PCDHB12: variants seen among roughly 807,000 people sequenced by gnomAD.
The protein encoded by PCDHB12 is protocadherin beta 12.
For synonymous variants in PCDHB12, 560 were observed against 445.2 expected (o/e 1.26, Z -3.24); for missense variants, 1,192 against 998.2 (o/e 1.19, Z -2.62).
Position 141,208,827 on chromosome 5 carries a change from A to T in PCDHB12, c.-81A>T. The T allele has an allele frequency of 1.6e-6, 2 of 1,277,252 alleles. No homozygotes were observed. Among genetic ancestry groups the T allele is most frequent in the Non-Finnish European group, 2.2e-6 (2 of 924,048 alleles). The allele number at this position is 1,277,252 out of a possible 1,614,324, so 79.1% of individuals were successfully genotyped here. ...AGGCTTCCGAGGATTTGGTAGACAGATCAGAGGCACGTTTCCCACAACTGC... is the reference window on the plus strand; with the variant it reads ...AGGCTTCCGAGGATTTGGTAGACAGTTCAGAGGCACGTTTCCCACAACTGC... On this transcript the variant is annotated 5_prime_UTR_variant, in exon 1 of 1. Transcript: ENST00000239450.
At position 141,210,149 on chromosome 5, in the gene PCDHB12, A is replaced by G; in HGVS notation, c.1242A>G (p.Arg414=). 6.2e-7 allele frequency: 1 copy of G among 1,614,204 alleles called. No homozygotes were observed. The highest frequency in any genetic ancestry group is 8.5e-7 in the Non-Finnish European group (1 of 1,180,030). ...ETERPLDRES[R]AEYNITITVT... ...AGAGACCGCTGGACAGAGAGAGCAG[A>G]GCCGAGTACAACATCACCATCACCG... is the stretch of plus-strand genomic sequence containing the variant. The change falls in exon 1 of 1, where the codon AGA becomes AGG. Residue 414 remains arginine (R), a synonymous_variant. Coordinates refer to ENST00000239450, the MANE Select transcript of PCDHB12 (RefSeq NM_018932.4).
In PCDHB12 at chr5:141,209,444, C is replaced by T. The variant is rs200859015; in HGVS notation, c.537C>T (p.His179=). 1.2e-6 allele frequency: 2 copies of T among 1,614,170 alleles called. No individual in the cohort carries two copies. Among genetic ancestry groups the T allele is most frequent in the Admixed American group, 1.7e-5 (1 of 60,030 alleles). Residue 179 remains histidine (H), a synonymous_variant, in exon 1 of 1, where the codon CAC becomes CAT. Coordinates refer to ENST00000239450, the MANE Select transcript of PCDHB12 (RefSeq NM_018932.4). ...CAATAAATCCGAACTCTCATTTCCA[C>T]GTTAAAATAAGAGTCAATCCAGACA... ...SYTINPNSHF[H]VKIRVNPDNR...
rs1422000893 is a variant in PCDHB12, at chr5:141,211,412, A to G, written c.*117A>G. 3 of 1,074,552 alleles carry G rather than the reference A, an allele frequency of 2.8e-6. No individual in the cohort carries two copies. The highest frequency in any genetic ancestry group is 4.1e-6 in the Non-Finnish European group (3 of 725,274). The allele number at this position is 1,074,552 out of a possible 1,614,324, so 66.6% of individuals were successfully genotyped here. ...TCAAATACATACTCTTCAAGTCAAG[A>G]AATAAATTTCTTTACATAGAAAAGG... On this transcript the variant is annotated 3_prime_UTR_variant, in exon 1 of 1. Transcript: ENST00000239450.
In PCDHB12 at chr5:141,209,773, G is replaced by C; in HGVS notation, c.866G>C (p.Arg289Pro). The C allele has an allele frequency of 6.2e-7, 1 of 1,614,138 alleles. No individual in the cohort carries two copies. The highest frequency in any genetic ancestry group is 8.5e-7 in the Non-Finnish European group (1 of 1,180,040). The change falls in exon 1 of 1, where the codon CGC becomes CCC. Residue 289 changes from arginine to proline, a missense_variant. Arg to Pro is a moderately radical substitution (Grantham distance 103). Transcript: ENST00000239450. ...YTFSHASEDI[R>P]KTFEINQKSG... ...TTTTCCCATGCCTCAGAAGATATTC[G>C]CAAGACATTTGAAATTAATCAAAAG... is the stretch of plus-strand genomic sequence containing the variant.
rs782694775 is a variant in PCDHB12, at chr5:141,209,532, A to G, written c.625A>G (p.Ser209Gly). The change falls in exon 1 of 1, where the codon AGT (serine) becomes GGT (glycine). Residue 209 changes from serine to glycine, a missense_variant. Physicochemically the swap from Ser to Gly is moderately conservative, Grantham distance 56. Transcript: ENST00000239450. Reference protein sequence around the residue: ...ALDYEERPELSFILTALDGGS... With the variant: ...ALDYEERPELGFILTALDGGS... ...GGATTATGAAGAGCGCCCGGAGCTC[A>G]GTTTCATCCTCACTGCTCTGGATGG... The G allele has an allele frequency of 1.2e-6, 2 of 1,614,214 alleles. No individual in the cohort carries two copies. Among genetic ancestry groups the G allele is most frequent in the Non-Finnish European group, 1.7e-6 (2 of 1,180,054 alleles).
In PCDHB12 at chr5:141,210,533, C is replaced by T; in HGVS notation, c.1626C>T (p.Ser542=). The T allele has an allele frequency of 6.2e-7, 1 of 1,612,040 alleles. No homozygotes were observed. Among genetic ancestry groups the T allele is most frequent in the Non-Finnish European group, 8.5e-7 (1 of 1,179,792 alleles). The stretch of plus-strand genomic sequence containing the variant: ...CAGACCACGGCTCCCCGGCTTTGAG[C>T]AGCGAGGCGCTGGTGCGCGTGCTGG... The part of the protein sequence containing the change: ...GATDHGSPAL[S]SEALVRVLVL... Residue 542 remains serine, a synonymous_variant, in exon 1 of 1, where the codon AGC becomes AGT. Coordinates refer to ENST00000239450, the MANE Select transcript of PCDHB12 (RefSeq NM_018932.4).
In PCDHB12 at chr5:141,209,127, T is replaced by C; in HGVS notation, c.220T>C (p.Cys74Arg). Residue 74 changes from cysteine (C) to arginine (R), a missense_variant, in exon 1 of 1, where the codon TGT becomes CGT. Coordinates refer to ENST00000239450, the MANE Select transcript of PCDHB12 (RefSeq NM_018932.4). ...GGTGGTTTCTAATGATAACAAAGAG[T>C]GTTTGCAGCTGGACACAAACACTGG... ...ARVVSNDNKE[C>R]LQLDTNTGDL... The C allele has an allele frequency of 6.2e-7, 1 of 1,613,848 alleles. No homozygotes were observed. The highest frequency in any genetic ancestry group is 8.5e-7 in the Non-Finnish European group (1 of 1,179,984).
Position 141,211,129 on chromosome 5 carries a change from G to A in PCDHB12, c.2222G>A (p.Gly741Asp), listed in dbSNP as rs1376994550. Residue 741 changes from glycine to aspartate, a missense_variant, in exon 1 of 1, where the codon GGC (glycine) becomes GAC (aspartate). Transcript: ENST00000239450. ...CCAGGACATCTGGTGGACGTGAGTG[G>A]CACCGGGACCCTGTCCCAGAGCTAC... ...PFPGHLVDVS[G>D]TGTLSQSYHY... The A allele has an allele frequency of 5.6e-6, 9 of 1,614,072 alleles. No individual in the cohort carries two copies. Among genetic ancestry groups the A allele is most frequent in the East Asian group, 4.5e-5 (2 of 44,886 alleles).
At position 141,209,594 on chromosome 5, in the gene PCDHB12, G is replaced by T. The variant is rs1754384121; in HGVS notation, c.687G>T (p.Arg229Ser). 1.9e-6 allele frequency: 3 copies of T among 1,614,144 alleles called. No individual in the cohort carries two copies. Among genetic ancestry groups the T allele is most frequent in the Non-Finnish European group, 1.7e-6 (2 of 1,180,036 alleles). The change falls in exon 1 of 1, where the codon AGG becomes AGT. Residue 229 changes from arginine to serine, a missense_variant. Arg to Ser is a moderately radical substitution (Grantham distance 110, BLOSUM62 -1). Coordinates refer to ENST00000239450, the MANE Select transcript of PCDHB12 (RefSeq NM_018932.4). ...CCAGGTCTGGAACTGCCTTGGTCAG[G>T]GTGGTGGTTGTAGATATTAATGACA... ...SPPRSGTALVRVVVVDINDNS... is the reference protein window; with the variant it reads ...SPPRSGTALVSVVVVDINDNS...
At position 141,211,359 on chromosome 5, in the gene PCDHB12, T is replaced by C; in HGVS notation, c.*64T>C. On this transcript the variant is annotated 3_prime_UTR_variant, in exon 1 of 1. Transcript: ENST00000239450. ...TTATAATTAGGAACTTATCGTGAGG[T>C]GCCTGTAAAGTAGTATTTTTGATCA... is the stretch of plus-strand genomic sequence containing the variant. 6.8e-7 allele frequency: 1 copy of C among 1,465,714 alleles called. No individual in the cohort carries two copies. The highest frequency in any genetic ancestry group is 1.3e-5 in the South Asian group (1 of 77,248). 90.8% of individuals were successfully genotyped at this position (1,465,714 alleles called of 1,614,324 possible). A position where few individuals can be genotyped will look rare whatever the true frequency, so the allele number is the denominator to read the frequency against.
In PCDHB12 at chr5:141,209,070, G is replaced by A. The variant is rs1209841301; in HGVS notation, c.163G>A (p.Glu55Lys). ...VGNLAKTLGL[E>K]VSELSSRGAR... ...AAATTTGGCAAAGACCCTGGGACTC[G>A]AGGTGAGTGAGCTGTCTTCGCGGGG... The change falls in exon 1 of 1, where the codon GAG (glutamate) becomes AAG (lysine). Residue 55 changes from glutamate (E) to lysine (K), a missense_variant. By Grantham distance (56) the Glu-to-Lys change is moderately conservative. Coordinates refer to ENST00000239450, the MANE Select transcript of PCDHB12 (RefSeq NM_018932.4). 8 of 1,612,666 alleles carry A rather than the reference G, an allele frequency of 5.0e-6. No homozygotes were observed. Among genetic ancestry groups the A allele is most frequent in the Non-Finnish European group, 6.8e-6 (8 of 1,179,082 alleles).
In PCDHB12 at chr5:141,210,202, AAACCGAGCAC is replaced by A. The variant is rs1754407576; in HGVS notation, c.1299_1308del (p.Glu434Ter). On this transcript the variant is annotated frameshift_variant, in exon 1 of 1. Coordinates refer to ENST00000239450, the MANE Select transcript of PCDHB12 (RefSeq NM_018932.4). LOFTEE classifies it low-confidence loss of function (END_TRUNC). ...ACCGACTTGGGGACCCCCAGGCTAA[AAACCGAGCAC>A]AACATAACCGTGCTGGTCTCCGACG... 3.1e-6 allele frequency: 5 copies of A among 1,614,116 alleles called. No individual in the cohort carries two copies. In the East Asian group the frequency reaches 1.1e-4, roughly 36 times the overall value.
In PCDHB12 at chr5:141,208,892, T is replaced by C; in HGVS notation, c.-16T>C. 1 of 1,509,906 alleles carries C rather than the reference T, an allele frequency of 6.6e-7. No individual in the cohort carries two copies. The highest frequency in any genetic ancestry group is 8.8e-7 in the Non-Finnish European group (1 of 1,131,972). The allele number at this position is 1,509,906 out of a possible 1,614,324, so 93.5% of individuals were successfully genotyped here. A position where few individuals can be genotyped will look rare whatever the true frequency, so the allele number is the denominator to read the frequency against. On this transcript the variant is annotated 5_prime_UTR_variant, in exon 1 of 1. Coordinates refer to ENST00000239450, the MANE Select transcript of PCDHB12 (RefSeq NM_018932.4). The stretch of plus-strand genomic sequence containing the variant: ...GCAATTCTGCAAGAAGATTTTGGGG[T>C]TTTGGAAAAGAAGCTATGGAAAACG...
Position 141,210,156 on chromosome 5 carries a change from T to C in PCDHB12, c.1249T>C (p.Tyr417His). Residue 417 changes from tyrosine to histidine, a missense_variant, in exon 1 of 1, where the codon TAC becomes CAC. Physicochemically the swap from Tyr to His is moderately conservative, Grantham distance 83. Transcript: ENST00000239450. ...RPLDRESRAE[Y>H]NITITVTDLG... ...GCTGGACAGAGAGAGCAGAGCCGAG[T>C]ACAACATCACCATCACCGTCACCGA... The C allele has an allele frequency of 6.2e-7, 1 of 1,614,020 alleles. No individual in the cohort carries two copies. Among genetic ancestry groups the C allele is most frequent in the South Asian group, 1.1e-5 (1 of 91,056 alleles).
At position 141,208,771 on chromosome 5, in the gene PCDHB12, C is replaced by A; in HGVS notation, c.-137C>A. The stretch of plus-strand genomic sequence containing the variant: ...AAAGAACAATCCTTTAAGGGAGAAC[C>A]TAGAAGCCATTCAACAAGGTTAAAA... On this transcript the variant is annotated 5_prime_UTR_variant, in exon 1 of 1. Coordinates refer to ENST00000239450, the MANE Select transcript of PCDHB12 (RefSeq NM_018932.4). The A allele has an allele frequency of 2.9e-6, 2 of 695,122 alleles. No homozygotes were observed. Among genetic ancestry groups the A allele is most frequent in the South Asian group, 5.1e-5 (2 of 39,590 alleles). 43.1% of individuals were successfully genotyped at this position (695,122 alleles called of 1,614,324 possible).
In PCDHB12 at chr5:141,210,552, G is replaced by T. The variant is rs535080782; in HGVS notation, c.1645G>T (p.Val549Leu). ...PALSSEALVR[V>L]LVLDANDNSP... ...TTTGAGCAGCGAGGCGCTGGTGCGC[G>T]TGCTGGTGCTGGACGCCAACGACAA... is the stretch of plus-strand genomic sequence containing the variant. Residue 549 changes from valine to leucine, a missense_variant, in exon 1 of 1, where the codon GTG (valine) becomes TTG (leucine). By Grantham distance (32) the Val-to-Leu change is conservative (BLOSUM62 1). Coordinates refer to ENST00000239450, the MANE Select transcript of PCDHB12 (RefSeq NM_018932.4). 87 of 1,611,694 alleles carry T rather than the reference G, an allele frequency of 5.4e-5. 1 individual carries two copies. In the East Asian group the frequency reaches 1.4e-3, roughly 26 times the overall value.
rs782525183 is a variant in PCDHB12, at chr5:141,210,588, G to C, written c.1681G>C (p.Val561Leu). The stretch of plus-strand genomic sequence containing the variant: ...GGACGCCAACGACAACTCGCCCTTC[G>C]TGCTGTACCCGCTGCAGAACGGCTC... ...VLDANDNSPFVLYPLQNGSAP... is the reference protein window; with the variant it reads ...VLDANDNSPFLLYPLQNGSAP... Residue 561 changes from valine (V) to leucine (L), a missense_variant, in exon 1 of 1, where the codon GTG (valine) becomes CTG (leucine). Val to Leu is a conservative substitution (Grantham distance 32, BLOSUM62 1). Transcript: ENST00000239450. The C allele has an allele frequency of 1.9e-6, 3 of 1,611,530 alleles. No individual in the cohort carries two copies. The highest frequency in any genetic ancestry group is 2.5e-6 in the Non-Finnish European group (3 of 1,179,728).
rs1554286553 is a variant in PCDHB12, at chr5:141,208,868, C to A, written c.-40C>A. 1 of 1,500,072 alleles carries A rather than the reference C, an allele frequency of 6.7e-7. No homozygotes were observed. The highest frequency in any genetic ancestry group is 8.9e-7 in the Non-Finnish European group (1 of 1,123,304). 92.9% of individuals were successfully genotyped at this position (1,500,072 alleles called of 1,614,324 possible). On this transcript the variant is annotated 5_prime_UTR_variant, in exon 1 of 1. Transcript: ENST00000239450. ...CCACAACTGCGAAGAGGCGCTGAGG[C>A]AATTCTGCAAGAAGATTTTGGGGTT...
At position 141,209,504 on chromosome 5, in the gene PCDHB12, G is replaced by A. The variant is rs150632012; in HGVS notation, c.597G>A (p.Ala199=). 2.5e-5 allele frequency: 40 copies of A among 1,614,192 alleles called. No homozygotes were observed. Among genetic ancestry groups the A allele is most frequent in the Non-Finnish European group, 3.1e-5 (37 of 1,180,036 alleles). ...RKYPELVLDK[A]LDYEERPELS... is the part of the protein sequence containing the mutation. ...ACCCTGAGTTAGTTCTGGACAAGGC[G>A]CTGGATTATGAAGAGCGCCCGGAGC... Residue 199 remains alanine (A), a synonymous_variant, in exon 1 of 1, where the codon GCG becomes GCA. Transcript: ENST00000239450.
Sources: gnomAD v4.1 joint callset for allele counts on GRCh38, gnomAD v4.1.1 for gene constraint, MANE v1.5 for transcripts, NCBI Gene and HGNC (gene_info 2026-07-23, HGNC 2026-07-21) for gene names.